Variants in DENND1A observed in about 807,000 individuals in gnomAD.
DENND1A encodes DENN domain-containing protein 1A.
In DENND1A, 51 loss-of-function variants were observed where a neutral mutation model predicts 113.7. The ratio of observed to expected loss-of-function variants is 0.45; its 90% CI spans 0.36 to 0.57. DENND1A has a LOEUF of 0.57. Ranked by LOEUF, DENND1A falls within the 20% of genes least tolerant of loss-of-function variation. The pLI is 0.00. For missense variants in DENND1A, 1,258 were observed against 1,395.9 expected (o/e 0.90, Z 1.57); for synonymous variants, 565 against 570.8 (o/e 0.99, Z 0.14).
chr9:123,454,849 C>A, intron 15 of DENND1A, 70 bp from the exon 16 acceptor site: 4 of 1,019,660 alleles, frequency 3.9e-6, no homozygotes, highest in Admixed American at 2.5e-5. Flanking sequence ...CTTAAAATTG[C>A]TTTTTTTTTT....
Position 123,382,020 on chromosome 9 carries a change from T to C in DENND1A, c.2625A>G (p.Gln875=), listed in dbSNP as rs2042299644. 8 of 1,315,362 alleles carry C rather than the reference T, an allele frequency of 6.1e-6. No individual in the cohort carries two copies. In the South Asian group the frequency reaches 1.0e-4, roughly 17 times the overall value. The allele number at this position is 1,315,362 out of a possible 1,614,324, so 81.5% of individuals were successfully genotyped here. ...TPNVATPFTP[Q]FSFPPAGTPT... The stretch of plus-strand genomic sequence containing the variant: ...GTGTCCCTGCAGGGGGGAAGCTGAA[T>C]TGGGGGGTGAATGGGGTGGCTACAT... Residue 875 remains glutamine (Q), a synonymous_variant, in exon 24 of 24, where the codon CAA becomes CAG. Coordinates refer to ENST00000394215, the MANE Select transcript of DENND1A (RefSeq NM_001352964.2).
chr9:123,810,653 C>T (rs770018438), intron 2 of DENND1A, among the ~76,000 whole-genome samples: 5 of 151,472 alleles, frequency 3.3e-5, no homozygotes, highest in Non-Finnish European at 5.9e-5. Context: ...TGTGTTAAGC[C>T]ACATTGAAAG....
intron 9 of DENND1A, among the ~76,000 whole-genome samples, chr9:123,645,613 G>A (rs1360599580): frequency 1.3e-5 from 2 of 152,146 alleles, no homozygotes; most frequent in African/African-American, 2.4e-5. Context: ...GACATACAAG[G>A]AGAACCCCAC....
At chr9:123,761,699 C>T (rs1323054235) in intron 4 of DENND1A, among the ~76,000 whole-genome samples, 1 of 152,128 alleles carries the variant, frequency 6.6e-6, no homozygotes, top group Non-Finnish European at 1.5e-5. Context: ...CCAGTAGGCT[C>T]TAAAAGATTG....
At chr9:123,923,593 A>C (rs116133907) in intron 1 of DENND1A, among the ~76,000 whole-genome samples, 81 of 152,312 alleles carry the variant, frequency 5.3e-4, no homozygotes, top group African/African-American at 1.9e-3. Context: ...CTTTAAACAA[A>C]CTGGAGCAGA....
chr9:123,668,778 C>T (rs1036759622), intron 7 of DENND1A, among the ~76,000 whole-genome samples: 11 of 152,212 alleles, frequency 7.2e-5, no homozygotes, highest in Non-Finnish European at 1.5e-5. Context: ...TATCAAAATA[C>T]TACCTATGAA....
chr9:123,818,773 C>A (rs1450617419), intron 2 of DENND1A, among the ~76,000 whole-genome samples: 1 of 152,156 alleles, frequency 6.6e-6, no homozygotes, highest in Non-Finnish European at 1.5e-5. Flanking sequence ...CACAAGGCTT[C>A]AGATTCTGCA....
chr9:123,543,010 G>A (rs1239965872), intron 13 of DENND1A, among the ~76,000 whole-genome samples: 3 of 152,202 alleles, frequency 2.0e-5, no homozygotes, highest in Admixed American at 6.5e-5. Flanking sequence ...GCAGCCTGCC[G>A]TCCTGAGCTG....
chr9:123,619,414 A>ATTGG (rs2060826564), intron 10 of DENND1A, among the ~76,000 whole-genome samples: 1 of 138,394 alleles, frequency 7.2e-6, no homozygotes, highest in African/African-American at 2.6e-5. Context: ...ACATTGATTG[A>ATTGG]CTGATTGATT....
intron 18 of DENND1A, among the ~76,000 whole-genome samples, chr9:123,445,316 G>T (rs970774005): frequency 1.3e-5 from 2 of 152,224 alleles, no homozygotes; most frequent in Non-Finnish European, 2.9e-5. Context: ...GGCCCAGGGA[G>T]GCAGACAGCA....
At chr9:123,549,834 T>C (rs1401565040) in intron 13 of DENND1A, among the ~76,000 whole-genome samples, 1 of 152,114 alleles carries the variant, frequency 6.6e-6, no homozygotes, top group Non-Finnish European at 1.5e-5. Flanking sequence ...AAAGAGTAAA[T>C]ACAAAAGGCA....
At position 123,836,362 on chromosome 9, in the gene DENND1A, T is replaced by C. The variant is rs976686906; in HGVS notation, c.88+42589A>G. 3.3e-5 allele frequency among the ~76,000 whole-genome samples: 5 copies of C among 152,276 alleles called. 1 individual carries two copies. The highest frequency in any genetic ancestry group is 3.3e-4 in the Admixed American group (5 of 15,296). On this transcript the variant is annotated intron_variant, in intron 2 of 23. Transcript: ENST00000394215. ...CTGAAGGAAATCAGGGAGTTCACAG[T>C]GCAGCCAAGCTCACACAAATTTCTT...
intron 21 of DENND1A, among the ~76,000 whole-genome samples, chr9:123,391,985 T>C (rs568019134): frequency 7.9e-5 from 12 of 152,276 alleles, no homozygotes; most frequent in African/African-American, 2.4e-4. Context: ...CCCCCACGGC[T>C]GCTCCCGCCT....
intron 18 of DENND1A, among the ~76,000 whole-genome samples, chr9:123,448,740 C>A (rs2047490478): frequency 6.6e-6 from 1 of 152,222 alleles, no homozygotes; most frequent in Non-Finnish European, 1.5e-5. Flanking sequence ...GGATGTGAAT[C>A]TCAGCTGTTA....
intron 19 of DENND1A, among the ~76,000 whole-genome samples, chr9:123,437,349 C>T (rs541168100): frequency 6.6e-6 from 1 of 152,320 alleles, no homozygotes; most frequent in East Asian, 1.9e-4. Flanking sequence ...TGCCTCGACA[C>T]TAAGCTCCCC....
chr9:123,558,201 C>T (rs922928573), intron 12 of DENND1A, among the ~76,000 whole-genome samples: 6 of 152,108 alleles, frequency 3.9e-5, no homozygotes, highest in Admixed American at 3.3e-4. Context: ...GTAAAACAGC[C>T]TCAGGGAGGT....
At chr9:123,750,132 T>G (rs1283882298) in intron 5 of DENND1A, among the ~76,000 whole-genome samples, 1 of 152,210 alleles carries the variant, frequency 6.6e-6, no homozygotes, top group African/African-American at 2.4e-5. Context: ...TCCTTCCAAC[T>G]GCGCAGCTTC....
intron 13 of DENND1A, chr9:123,485,652 G>GCA (rs2050773470): frequency 6.2e-5 from 1 of 16,160 alleles, no homozygotes; most frequent in African/African-American, 1.2e-4. Context: ...ACACGCGCGC[G>GCA]CGCGCACACA....
intron 1 of DENND1A, among the ~76,000 whole-genome samples, chr9:123,907,402 A>T (rs1188861170): frequency 1.3e-5 from 2 of 152,100 alleles, no homozygotes; most frequent in East Asian, 1.9e-4. Context: ...GAGAAAGTCA[A>T]ATTGTCCCTG....
Sources: allele counts gnomAD v4.1 joint callset (sites outside exome capture counted in the v4.1 genomes callset), GRCh38; gene constraint gnomAD v4.1.1; transcripts MANE v1.5; gene names NCBI Gene and HGNC (gene_info 2026-07-23, HGNC 2026-07-21).